The following COMP variants were observed in gnomAD, a reference collection of about 807,000 sequenced individuals.
COMP encodes cartilage oligomeric matrix protein (pseudoachondroplasia, epiphyseal dysplasia 1, multiple).
A neutral mutation model predicts 95.8 loss-of-function variants in COMP; 79 were observed. That is an observed-to-expected ratio of 0.82 (90% CI 0.69 to 0.99). COMP has a LOEUF of 0.99. COMP is among the 50% of genes least tolerant of loss of function. The pLI, the probability that COMP is intolerant of heterozygous loss-of-function variation, is 0.00. For missense variants in COMP, 906 were observed against 1,076.1 expected, an observed-to-expected ratio of 0.84 and a Z score of 2.21; for synonymous variants, 438 against 433.9, an observed-to-expected ratio of 1.01 and a Z score of -0.12.
chr19:18,788,639 C>G lies in COMP; in HGVS notation c.715G>C (p.Glu239Gln). The G allele has an allele frequency of 6.5e-7, 1 of 1,547,362 alleles. No homozygotes were observed. Among genetic ancestry groups the G allele is most frequent in the South Asian group, 1.2e-5 (1 of 84,046 alleles). ...CGCTCTAGGACGCAGTCTGCATGCTCGTGGCACTCGCTGGGCGAGCCGTCG... is the reference window on the plus strand; with the variant it reads ...CGCTCTAGGACGCAGTCTGCATGCTGGTGGCACTCGCTGGGCGAGCCGTCG... The part of the protein sequence containing the change: ...CPDGSPSECH[E>Q]HADCVLERDG... The change falls in exon 7 of 19, where the codon GAG becomes CAG. Residue 239 changes from glutamate to glutamine, a missense_variant. Physicochemically the swap from Glu to Gln is conservative, Grantham distance 29. Coordinates refer to ENST00000222271, the MANE Select transcript of COMP (RefSeq NM_000095.3). The surrounding 1 kb of genome is among the most constrained non-coding windows in gnomAD (Gnocchi z 4.7).
Position 18,786,608 on chromosome 19 carries a change from G to A in COMP, c.1178C>T (p.Ser393Leu). Reference protein sequence around the residue: ...QADNCPRVPNSDQKDSDGDGI... With the variant: ...QADNCPRVPNLDQKDSDGDGI... ...ATCGCCATCACTGTCCTTCTGGTCT[G>A]AGTTGGGTACCCTAGGGCAGTTGTC... Residue 393 changes from serine to leucine, a missense_variant, in exon 11 of 19, where the codon TCA becomes TTA. Transcript: ENST00000222271. 6.2e-7 allele frequency: 1 copy of A among 1,614,072 alleles called. No individual in the cohort carries two copies. The highest frequency in any genetic ancestry group is 1.3e-5 in the African/African-American group (1 of 75,016).
Position 18,789,033 on chromosome 19 carries a change from T to G in COMP, c.529-120A>C. The G allele has an allele frequency of 6.5e-7, 1 of 1,540,954 alleles. No homozygotes were observed. The highest frequency in any genetic ancestry group is 8.8e-7 in the Non-Finnish European group (1 of 1,133,574). On this transcript the variant is annotated intron_variant, in intron 5 of 18. Coordinates refer to ENST00000222271, the MANE Select transcript of COMP (RefSeq NM_000095.3). This position sits in a 1 kb window ranked among gnomAD's most constrained non-coding sequence, Gnocchi z 6.1. ...CATCCTGCCCCAAACCGATCAGCCC[T>G]GGCGCAGCGGACCCCTCCTCTCCCC...
chr19:18,785,522 T>C lies in COMP; in HGVS notation c.1693A>G (p.Asn565Asp). 6.2e-7 allele frequency: 1 copy of C among 1,613,918 alleles called. No homozygotes were observed. The highest frequency in any genetic ancestry group is 2.2e-5 in the East Asian group (1 of 44,870). Residue 565 changes from asparagine to aspartate, a missense_variant, in exon 15 of 19, where the codon AAC becomes GAC. Coordinates refer to ENST00000222271, the MANE Select transcript of COMP (RefSeq NM_000095.3). ...NQGREIVQTM[N>D]SDPGLAVGYT... ...CCCACAGCCAGGCCTGGGTCGCTGT[T>C]CATTGTCTGCACGATCTCCCTTCCC...
chr19:18,784,290 T>A lies in COMP; in HGVS notation c.1988A>T (p.Gln663Leu), dbSNP rs141708238. 1.2e-5 allele frequency: 20 copies of A among 1,613,986 alleles called. No individual in the cohort carries two copies. In the African/African-American group the frequency reaches 2.1e-4, roughly 17 times the overall value. The change falls in exon 17 of 19, where the codon CAG (glutamine) becomes CTG (leucine). Residue 663 changes from glutamine (Q) to leucine (L), a missense_variant. Physicochemically the swap from Gln to Leu is moderately radical, Grantham distance 113. Coordinates refer to ENST00000222271, the MANE Select transcript of COMP (RefSeq NM_000095.3). The surrounding 1 kb of genome is among the most constrained non-coding windows in gnomAD (Gnocchi z 4.9). ...ALWHTGDTES[Q>L]VRLLWKDPRN... Reference sequence around the variant, plus strand: ...CGGGTCCTTCCACAGCAGCCGCACCTGGGACTCTGTGTCTCCTGTATGCCA... The same window carrying A: ...CGGGTCCTTCCACAGCAGCCGCACCAGGGACTCTGTGTCTCCTGTATGCCA...
In COMP at chr19:18,786,538, C is replaced by T. The variant is rs368715216; in HGVS notation, c.1248G>A (p.Pro416=). Residue 416 remains proline, a synonymous_variant, in exon 11 of 19, where the codon CCG becomes CCA. Coordinates refer to ENST00000222271, the MANE Select transcript of COMP (RefSeq NM_000095.3). ...GAGTCTGGCCTGCCCTCACCTGATC[C>T]GGGTTGCTCTTCTGGGGACAGTTGT... ...ACDNCPQKSN[P]DQADVDHDFV... 9.9e-6 allele frequency: 16 copies of T among 1,613,608 alleles called. No individual in the cohort carries two copies. The highest frequency in any genetic ancestry group is 1.3e-5 in the African/African-American group (1 of 74,900).
In COMP at chr19:18,788,256, C is replaced by A; in HGVS notation, c.931G>T (p.Ala311Ser). 1 of 1,613,270 alleles carries A rather than the reference C, an allele frequency of 6.2e-7. No individual in the cohort carries two copies. Among genetic ancestry groups the A allele is most frequent in the Non-Finnish European group, 8.5e-7 (1 of 1,180,026 alleles). Residue 311 changes from alanine to serine, a missense_variant, in exon 9 of 19, where the codon GCC (alanine) becomes TCC (serine). By Grantham distance (99) the Ala-to-Ser change is moderately conservative (BLOSUM62 1). Transcript: ENST00000222271. The surrounding 1 kb of genome is among the most constrained non-coding windows in gnomAD (Gnocchi z 4.7). ...TCCCCGTCGGCATCCGGATCGCAGG[C>A]GTCTCCGATGCCATCGCGGTCCACA... Reference protein sequence around the residue: ...EDVDRDGIGDACDPDADGDGV... With the variant: ...EDVDRDGIGDSCDPDADGDGV...
chr19:18,789,309 G>A lies in COMP; in HGVS notation c.391-12C>T. 6.8e-7 allele frequency: 1 copy of A among 1,477,478 alleles called. No individual in the cohort carries two copies. The highest frequency in any genetic ancestry group is 9.0e-7 in the Non-Finnish European group (1 of 1,116,302). 91.5% of individuals were successfully genotyped at this position (1,477,478 alleles called of 1,614,324 possible). On this transcript the variant is annotated splice_polypyrimidine_tract_variant and intron_variant, in intron 4 of 18. Transcript: ENST00000222271. The surrounding 1 kb of genome is among the most constrained non-coding windows in gnomAD (Gnocchi z 6.1). ...GGGTGGGCGTTGCACTGGGGGAGGA[G>A]GGGCCACAGAGGGTCAGAGGGCTTC... is the stretch of plus-strand genomic sequence containing the variant.
Position 18,787,870 on chromosome 19 carries a change from C to CTTTTTCTT in COMP, c.976-221_976-220insAAGAAAAA, listed in dbSNP as rs764518645. Among the ~76,000 whole-genome samples, 36 of 53,010 alleles carry CTTTTTCTT rather than the reference C, an allele frequency of 6.8e-4. No individual in the cohort carries two copies. In the East Asian group the frequency reaches 8.4e-3, roughly 12 times the overall value. 34.8% of individuals were successfully genotyped at this position (53,010 alleles called of 152,430 possible). A position where few individuals can be genotyped will look rare whatever the true frequency, so the allele number is the denominator to read the frequency against. ...CTTTTTTCTTTTTCTTTTTCTCTTT[C>CTTTTTCTT]TTTCTTTCTTTCTTTCTTTCTTTCT... On this transcript the variant is annotated intron_variant, in intron 9 of 18. Transcript: ENST00000222271.
At position 18,790,944 on chromosome 19, in the gene COMP, G is replaced by T. The variant is rs777779374; in HGVS notation, c.80-9C>A. On this transcript the variant is annotated splice_polypyrimidine_tract_variant and intron_variant, in intron 1 of 18. Transcript: ENST00000222271. ...CGGGCCCAGGTCTGAGCCTGCGGCG[G>T]CAGGGGACCTGGTGAGGCGTCATGG... The T allele has an allele frequency of 3.2e-6, 5 of 1,553,546 alleles. No homozygotes were observed. The East Asian group carries it at 7.3e-5, about 23-fold the overall frequency.
chr19:18,788,729 A>G lies in COMP; in HGVS notation c.625T>C (p.Cys209Arg). The change falls in exon 7 of 19, where the codon TGC becomes CGC. Residue 209 changes from cysteine (C) to arginine (R), a missense_variant. Physicochemically the swap from Cys to Arg is radical, Grantham distance 180. Transcript: ENST00000222271. This position sits in a 1 kb window ranked among gnomAD's most constrained non-coding sequence, Gnocchi z 4.7. ...TGGTCGCCCACGAAGCCGGGCTGGC[A>G]CGGGCCGCACTGGAAGGAGCCCTGC... ...NTRGSFQCGP[C>R]QPGFVGDQAS... 6.4e-7 allele frequency: 1 copy of G among 1,550,422 alleles called. No individual in the cohort carries two copies. The highest frequency in any genetic ancestry group is 2.4e-5 in the East Asian group (1 of 41,852).
At position 18,789,567 on chromosome 19, in the gene COMP, G is replaced by C. The variant is rs928923269; in HGVS notation, c.391-270C>G. On this transcript the variant is annotated intron_variant, in intron 4 of 18. Coordinates refer to ENST00000222271, the MANE Select transcript of COMP (RefSeq NM_000095.3). This position sits in a 1 kb window ranked among gnomAD's most constrained non-coding sequence, Gnocchi z 6.1. The stretch of plus-strand genomic sequence containing the variant: ...CCAGCAGAGGGGGGCAGGGGTCGTC[G>C]GGGCGTGCGTGCCCGGCGGTGGCGG... 6.6e-6 allele frequency among the ~76,000 whole-genome samples: 1 copy of C among 152,004 alleles called. No homozygotes were observed. Among genetic ancestry groups the C allele is most frequent in the East Asian group, 1.9e-4 (1 of 5,164 alleles).
rs765278469 is a variant in COMP, at chr19:18,784,213, G to A, written c.2065C>T (p.Arg689Trp). The stretch of plus-strand genomic sequence containing the variant: ...CACCTGATGTAGCCCACTTGGGGCC[G>A]GTGCTGCAGGAACCAACGATAGGAC... ...KKSYRWFLQH[R>W]PQVGYIRVRF... The change falls in exon 17 of 19, where the codon CGG (arginine) becomes TGG (tryptophan). Residue 689 changes from arginine (R) to tryptophan (W), a missense_variant. Physicochemically the swap from Arg to Trp is moderately radical, Grantham distance 101. Transcript: ENST00000222271. The surrounding 1 kb of genome is among the most constrained non-coding windows in gnomAD (Gnocchi z 4.9). 5.6e-6 allele frequency: 9 copies of A among 1,613,772 alleles called. No individual in the cohort carries two copies. Among genetic ancestry groups the A allele is most frequent in the Non-Finnish European group, 7.6e-6 (9 of 1,180,024 alleles).
chr19:18,788,895 C>T lies in COMP; in HGVS notation c.547G>A (p.Glu183Lys), dbSNP rs1348461928. 6.2e-7 allele frequency: 1 copy of T among 1,613,774 alleles called. No homozygotes were observed. Among genetic ancestry groups the T allele is most frequent in the Non-Finnish European group, 8.5e-7 (1 of 1,179,948 alleles). ...CAGTTATGTTGCCCGGTCTCACACTCGTTGATGTCCGTGCAAACCTAGGGG... is the reference window on the plus strand; with the variant it reads ...CAGTTATGTTGCCCGGTCTCACACTTGTTGATGTCCGTGCAAACCTAGGGG... ...ANKQVCTDINECETGQHNCVP... is the reference protein window; with the variant it reads ...ANKQVCTDINKCETGQHNCVP... The change falls in exon 6 of 19, where the codon GAG becomes AAG. Residue 183 changes from glutamate to lysine, a missense_variant. Glu to Lys is a moderately conservative substitution (Grantham distance 56, BLOSUM62 1). Transcript: ENST00000222271. The surrounding 1 kb of genome is among the most constrained non-coding windows in gnomAD (Gnocchi z 4.7).
Position 18,789,478 on chromosome 19 carries a change from C to A in COMP, c.391-181G>T. Among the ~76,000 whole-genome samples the A allele has an allele frequency of 6.6e-6, 1 of 152,056 alleles. No individual in the cohort carries two copies. The highest frequency in any genetic ancestry group is 2.1e-4 in the South Asian group (1 of 4,810). On this transcript the variant is annotated intron_variant, in intron 4 of 18. Coordinates refer to ENST00000222271, the MANE Select transcript of COMP (RefSeq NM_000095.3). The surrounding 1 kb of genome is among the most constrained non-coding windows in gnomAD (Gnocchi z 6.1). ...TGCCTTGATGACGGCAAGGGCGCAA[C>A]CGGGAGAGGAGAGGAGAGCTGTTCC...
Position 18,790,061 on chromosome 19 carries a change from A to T in COMP, c.271T>A (p.Cys91Ser). 6.4e-7 allele frequency: 1 copy of T among 1,553,448 alleles called. No homozygotes were observed. ...GLPSVRPLLHCAPGFCFPGVA... is the reference protein window; with the variant it reads ...GLPSVRPLLHSAPGFCFPGVA... Reference sequence around the variant, plus strand: ...CCGGGGAAGCAGAAGCCGGGCGCGCAGTGGAGCAGGGGCCGCACGCTGGGT... The same window carrying T: ...CCGGGGAAGCAGAAGCCGGGCGCGCTGTGGAGCAGGGGCCGCACGCTGGGT... The change falls in exon 4 of 19, where the codon TGC becomes AGC. Residue 91 changes from cysteine (C) to serine (S), a missense_variant. By Grantham distance (112) the Cys-to-Ser change is moderately radical. Transcript: ENST00000222271.
chr19:18,784,142 G>A lies in COMP; in HGVS notation c.2087+49C>T. ...CTGCCTGGCCAGGGCACTCCCACCT[G>A]GGCCTGTGTGTCCCCAGCCCAGCCC... On this transcript the variant is annotated intron_variant, in intron 17 of 18. Transcript: ENST00000222271. The surrounding 1 kb of genome is among the most constrained non-coding windows in gnomAD (Gnocchi z 4.9). 2.5e-6 allele frequency: 4 copies of A among 1,603,378 alleles called. No individual in the cohort carries two copies. Among genetic ancestry groups the A allele is most frequent in the East Asian group, 2.2e-5 (1 of 44,810 alleles).
chr19:18,789,830 G>C lies in COMP; in HGVS notation c.390+112C>G. On this transcript the variant is annotated intron_variant, in intron 4 of 18. Transcript: ENST00000222271. This position sits in a 1 kb window ranked among gnomAD's most constrained non-coding sequence, Gnocchi z 6.1. ...TCTGGCCGTGCGCCCCCGGAGGTGA[G>C]AGGCTCTTCGGGGCGAACACTCCCA... 1 of 1,333,648 alleles carries C rather than the reference G, an allele frequency of 7.5e-7. No individual in the cohort carries two copies. The allele number at this position is 1,333,648 out of a possible 1,614,324, so 82.6% of individuals were successfully genotyped here.
At chr19:18,787,911 T>C (rs908892147) in intron 9 of COMP, among the ~76,000 whole-genome samples, 1 of 147,356 alleles carries the variant, frequency 6.8e-6, no homozygotes, top group Non-Finnish European at 1.5e-5. Flanking sequence ...TCTTTCTTTC[T>C]TTCTTTTTTT....
Position 18,789,269 on chromosome 19 carries a change from A to G in COMP, c.419T>C (p.Val140Ala). The G allele has an allele frequency of 6.7e-7, 1 of 1,503,640 alleles. No individual in the cohort carries two copies. The highest frequency in any genetic ancestry group is 8.8e-7 in the Non-Finnish European group (1 of 1,130,050). 93.1% of individuals were successfully genotyped at this position (1,503,640 alleles called of 1,614,324 possible). A position where few individuals can be genotyped will look rare whatever the true frequency, so the allele number is the denominator to read the frequency against. Reference sequence around the variant, plus strand: ...CCCCGGGCTGGTGTTGATACAGCGGACTCGGGGGAAGCAGGGGTGGGCGTT... The same window carrying G: ...CCCCGGGCTGGTGTTGATACAGCGGGCTCGGGGGAAGCAGGGGTGGGCGTT... ...ECNAHPCFPR[V>A]RCINTSPGFR... The change falls in exon 5 of 19, where the codon GTC (valine) becomes GCC (alanine). Residue 140 changes from valine (V) to alanine (A), a missense_variant. Transcript: ENST00000222271. The surrounding 1 kb of genome is among the most constrained non-coding windows in gnomAD (Gnocchi z 6.1).
Sources: allele counts gnomAD v4.1 joint callset (sites outside exome capture counted in the v4.1 genomes callset), GRCh38; gene constraint gnomAD v4.1.1; non-coding constraint Gnocchi (gnomAD v3.1); transcripts MANE v1.5; gene names NCBI Gene and HGNC (gene_info 2026-07-23, HGNC 2026-07-21).